IL4R: variants seen among roughly 807,000 people sequenced by gnomAD.
The protein encoded by IL4R is interleukin-4 receptor subunit alpha.
Under a neutral mutation model 41.5 loss-of-function variants are expected in IL4R, and 17 were observed. The ratio of observed to expected loss-of-function variants is 0.41; its 90% CI spans 0.28 to 0.61. IL4R has a LOEUF of 0.61. IL4R is among the 20% of genes least tolerant of loss of function. IL4R has a pLI of 0.31. For synonymous variants in IL4R, 402 were observed against 422.9 expected (o/e 0.95, Z 0.61); for missense variants, 974 against 1,043.1 (o/e 0.93, Z 0.91).
In IL4R at chr16:27,362,491, A is replaced by T; in HGVS notation, c.1139A>T (p.Glu380Val). The part of the protein sequence containing the change: ...ECEEEEEVEE[E>V]KGSFCASPES... ...GAGGAGGAGGAGGAGGTAGAGGAAG[A>T]AAAAGGGAGCTTCTGTGCATCGCCT... Residue 380 changes from glutamate to valine, a missense_variant, in exon 11 of 11, where the codon GAA becomes GTA. Transcript: ENST00000395762. 6.2e-7 allele frequency: 1 copy of T among 1,614,164 alleles called. No homozygotes were observed. The highest frequency in any genetic ancestry group is 8.5e-7 in the Non-Finnish European group (1 of 1,180,024).
At chr16:27,334,748 A>T (rs2085208822) in intron 2 of IL4R, among the ~76,000 whole-genome samples, 1 of 151,934 alleles carries the variant, frequency 6.6e-6, no homozygotes, top group African/African-American at 2.4e-5. Flanking sequence ...TTTACTTGAG[A>T]CTTTACTTTT....
At chr16:27,350,959 T>C (rs772382387) in intron 6 of IL4R, among the ~76,000 whole-genome samples, 1 of 152,252 alleles carries the variant, frequency 6.6e-6, no homozygotes, top group Non-Finnish European at 1.5e-5. Flanking sequence ...TTTCTATTGC[T>C]GCATAATAAT....
At chr16:27,361,304 A>G (rs2086275793) in intron 10 of IL4R, among the ~76,000 whole-genome samples, 1 of 151,784 alleles carries the variant, frequency 6.6e-6, no homozygotes, top group African/African-American at 2.4e-5. Flanking sequence ...ACGCCTGGCT[A>G]TTTTAAAAGG....
Position 27,362,811 on chromosome 16 carries a change from A to G in IL4R, c.1459A>G (p.Thr487Ala). Residue 487 changes from threonine (T) to alanine (A), a missense_variant, in exon 11 of 11, where the codon ACG (threonine) becomes GCG (alanine). Thr to Ala is a moderately conservative substitution (Grantham distance 58). Coordinates refer to ENST00000395762, the MANE Select transcript of IL4R (RefSeq NM_000418.4). The part of the protein sequence containing the change: ...QSPDNLTCTE[T>A]PLVIAGNPAY... ...TCCAGACAACCTGACTTGCACAGAG[A>G]CGCCCCTCGTCATCGCAGGCAACCC... is the stretch of plus-strand genomic sequence containing the variant. 2 of 1,613,998 alleles carry G rather than the reference A, an allele frequency of 1.2e-6. No homozygotes were observed. Among genetic ancestry groups the G allele is most frequent in the Non-Finnish European group, 1.7e-6 (2 of 1,179,994 alleles).
At chr16:27,360,680 G>C in intron 9 of IL4R, 86 bp from the exon 10 acceptor site, 1 of 1,536,838 alleles carries the variant, frequency 6.5e-7, no homozygotes. Flanking sequence ...TGATGTCGAG[G>C]CTTGTACCCC....
At chr16:27,340,548 C>T (rs2085408509) in intron 3 of IL4R, among the ~76,000 whole-genome samples, 1 of 151,906 alleles carries the variant, frequency 6.6e-6, no homozygotes, top group Middle Eastern at 3.2e-3. Flanking sequence ...CATAGGGAGA[C>T]CTTGTCTCTA....
At position 27,340,190 on chromosome 16, in the gene IL4R, C is replaced by T; in HGVS notation, c.-14C>T. The T allele has an allele frequency of 1.2e-6, 2 of 1,612,280 alleles. No homozygotes were observed. Among genetic ancestry groups the T allele is most frequent in the Non-Finnish European group, 1.7e-6 (2 of 1,179,234 alleles). ...CTGCTTCCTCTCTCTCTGCAGGTGC[C>T]TTGGCATCTCCCAATGGGGTGGCTT... On this transcript the variant is annotated 5_prime_UTR_variant, in exon 3 of 11. Transcript: ENST00000395762.
At chr16:27,334,032 G>A (rs181543825) in intron 2 of IL4R, among the ~76,000 whole-genome samples, 7 of 151,964 alleles carry the variant, frequency 4.6e-5, no homozygotes, top group South Asian at 4.2e-4. Flanking sequence ...ACAGGCACCC[G>A]CCACCACGCC....
intron 2 of IL4R, among the ~76,000 whole-genome samples, chr16:27,338,593 A>T (rs569745603): frequency 1.3e-5 from 2 of 152,170 alleles, no homozygotes; most frequent in Admixed American, 6.5e-5. Context: ...ATATGTTGAA[A>T]CTTCATCCCA....
At position 27,362,841 on chromosome 16, in the gene IL4R, T is replaced by C. The variant is rs746868860; in HGVS notation, c.1489T>C (p.Tyr497His). 4 of 1,613,994 alleles carry C rather than the reference T, an allele frequency of 2.5e-6. No homozygotes were observed. The African/African-American group carries it at 5.3e-5, about 22-fold the overall frequency. The change falls in exon 11 of 11, where the codon TAC becomes CAC. Residue 497 changes from tyrosine (Y) to histidine (H), a missense_variant. Tyr to His is a moderately conservative substitution (Grantham distance 83). This residue lies in a region of IL4R where 682 missense variants were observed against 704.3 expected (regional missense o/e 0.97). Transcript: ENST00000395762. ...CCTCGTCATCGCAGGCAACCCTGCT[T>C]ACCGCAGCTTCAGCAACTCCCTGAG... Reference protein sequence around the residue: ...TPLVIAGNPAYRSFSNSLSQS... With the variant: ...TPLVIAGNPAHRSFSNSLSQS...
At chr16:27,322,878 C>T (rs984654524) in intron 1 of IL4R, among the ~76,000 whole-genome samples, 2 of 152,194 alleles carry the variant, frequency 1.3e-5, no homozygotes, top group African/African-American at 4.8e-5. Flanking sequence ...ATCTTATTCT[C>T]ATTTCACAGA....
intron 3 of IL4R, among the ~76,000 whole-genome samples, chr16:27,341,525 C>G (rs2085441760): frequency 1.3e-5 from 2 of 152,114 alleles, no homozygotes; most frequent in Admixed American, 6.6e-5. Flanking sequence ...TACATCCTGC[C>G]AATTCCAGTC....
chr16:27,317,820 G>A (rs2141047594), intron 1 of IL4R, among the ~76,000 whole-genome samples: 1 of 152,338 alleles, frequency 6.6e-6, no homozygotes, highest in Non-Finnish European at 1.5e-5. Context: ...GCATTCATGA[G>A]ATAGTTTGTA....
Position 27,345,086 on chromosome 16 carries a change from GGGTGGGCAGGGGAGGA to G in IL4R, c.361+73_361+88del. On this transcript the variant is annotated intron_variant, in intron 5 of 10. Transcript: ENST00000395762. This position sits in a 1 kb window ranked among gnomAD's most constrained non-coding sequence, Gnocchi z 4.5. Reference sequence around the variant, plus strand: ...CCCACAGCTGCCTGGGCTGAGGGTGGGGTGGGCAGGGGAGGAGGTGGGGTCATAGCAACAGCAGGAG... The same window carrying G: ...CCCACAGCTGCCTGGGCTGAGGGTGGGGTGGGGTCATAGCAACAGCAGGAG... The G allele has an allele frequency of 8.7e-7, 1 of 1,155,416 alleles. No homozygotes were observed. The highest frequency in any genetic ancestry group is 1.3e-6 in the Non-Finnish European group (1 of 796,376). 71.6% of individuals were successfully genotyped at this position (1,155,416 alleles called of 1,614,324 possible). A position where few individuals can be genotyped will look rare whatever the true frequency, so the allele number is the denominator to read the frequency against.
intron 3 of IL4R, 35 bp from the exon 4 acceptor site, chr16:27,342,086 C>T: frequency 6.2e-7 from 1 of 1,610,256 alleles, no homozygotes; most frequent in Non-Finnish European, 8.5e-7. Flanking sequence ...GCATTGAGTT[C>T]CTGGGCCGCT....
At chr16:27,315,738 C>T (rs1356251368) in intron 1 of IL4R, among the ~76,000 whole-genome samples, 2 of 152,212 alleles carry the variant, frequency 1.3e-5, no homozygotes, top group Non-Finnish European at 2.9e-5. Context: ...GCCTTGAATG[C>T]CATGCCAAGG....
At chr16:27,356,317 TC>T (rs1404060264) in intron 8 of IL4R, among the ~76,000 whole-genome samples, 1 of 152,090 alleles carries the variant, frequency 6.6e-6, no homozygotes, top group East Asian at 1.9e-4. Flanking sequence ...GGTCTCGAAC[TC>T]CTGACCTCAT....
chr16:27,361,394 C>T (rs902849972), intron 10 of IL4R, among the ~76,000 whole-genome samples: 12 of 151,926 alleles, frequency 7.9e-5, no homozygotes, highest in South Asian at 2.1e-4. Flanking sequence ...TTGCAGTGAG[C>T]GCAGATTGTG....
intron 9 of IL4R, chr16:27,359,739 T>G (rs1281815927): frequency 2.2e-6 from 1 of 448,606 alleles, no homozygotes; most frequent in African/African-American, 2.0e-5. Context: ...GGACAGATAT[T>G]GGAATTTATT....
Sources: allele counts gnomAD v4.1 joint callset (sites outside exome capture counted in the v4.1 genomes callset), GRCh38; gene constraint gnomAD v4.1.1; regional missense constraint gnomAD v4.1.1; non-coding constraint Gnocchi (gnomAD v3.1); transcripts MANE v1.5; gene names NCBI Gene and HGNC (gene_info 2026-07-23, HGNC 2026-07-21).